Variants in PDE4D observed in about 807,000 individuals in gnomAD.
PDE4D encodes the protein phosphodiesterase 4D.
A neutral mutation model predicts 87.4 loss-of-function variants in PDE4D; 24 were observed. That is an observed-to-expected ratio of 0.27 (90% CI 0.20 to 0.39). The LOEUF (loss-of-function observed/expected upper bound fraction) is 0.39. Ranked by LOEUF, PDE4D falls within the 10% of genes least tolerant of loss-of-function variation. The pLI, the probability that PDE4D is intolerant of heterozygous loss-of-function variation, is 1.00. For synonymous variants in PDE4D, 384 were observed against 383.2 expected (o/e 1.00, Z -0.02); for missense variants, 714 against 1,041.0 (o/e 0.69, Z 4.32).
At chr5:59,570,621 G>T (rs1382206198) in intron 1 of PDE4D, among the ~76,000 whole-genome samples, 1 of 148,118 alleles carries the variant, frequency 6.8e-6, no homozygotes, top group African/African-American at 2.5e-5. Flanking sequence ...AATGCTTTCA[G>T]GAGTATACAA....
At chr5:59,856,550 T>C (rs1160898872) in intron 1 of PDE4D, among the ~76,000 whole-genome samples, 1 of 152,194 alleles carries the variant, frequency 6.6e-6, no homozygotes, top group East Asian at 1.9e-4. Flanking sequence ...CTGCAAGTAA[T>C]TTTGTAATTG....
At chr5:59,496,666 G>A (rs1807268511) in intron 1 of PDE4D, among the ~76,000 whole-genome samples, 1 of 152,140 alleles carries the variant, frequency 6.6e-6, no homozygotes, top group South Asian at 2.1e-4. Context: ...TGGGTCAAAG[G>A]TTGGGTCAAA....
chr5:59,566,583 T>TGA lies in PDE4D; in HGVS notation c.455+326583_455+326584dup, dbSNP rs564167777. Among the ~76,000 whole-genome samples the TGA allele has an allele frequency of 1.3e-3, 186 of 146,962 alleles. 2 individuals are homozygous for TGA. The South Asian group carries it at 0.014, about 11-fold the overall frequency. On this transcript the variant is annotated intron_variant, in intron 1 of 14. Coordinates refer to ENST00000340635, the MANE Select transcript of PDE4D (RefSeq NM_001104631.2). ...GTGTGTGTGTGTGTGTGTGTGTGTGTGAGAGAATGAGAGAGAGAGAGAAAG... is the reference window on the plus strand; with the variant it reads ...GTGTGTGTGTGTGTGTGTGTGTGTGTGAGAGAGAATGAGAGAGAGAGAGAAAG...
In PDE4D at chr5:60,234,279, A is replaced by C. The variant is rs1345366176; in HGVS notation, c.-89-48592T>G. Among the ~76,000 whole-genome samples the C allele has an allele frequency of 2.0e-5, 3 of 151,676 alleles. No individual in the cohort carries two copies. In the East Asian group the frequency reaches 5.8e-4, roughly 29 times the overall value. ...ATGTTGTAGCATATATCAATACTTT[A>C]TTTCTTTTTATTTCTCAATAATACC... On this transcript the variant is annotated intron_variant, in intron 1 of 16. Transcript: ENST00000502484.
chr5:59,819,500 A>C (rs1769391448), intron 1 of PDE4D, among the ~76,000 whole-genome samples: 1 of 152,194 alleles, frequency 6.6e-6, no homozygotes, highest in African/African-American at 2.4e-5. Context: ...CCTATTACTC[A>C]TAAATGCTGA....
At chr5:59,577,443 G>A (rs367824732) in intron 1 of PDE4D, among the ~76,000 whole-genome samples, 1 of 152,222 alleles carries the variant, frequency 6.6e-6, no homozygotes, top group African/African-American at 2.4e-5. Context: ...TTTAATGGAA[G>A]AACAATTATG....
chr5:60,313,409 AATGACAAGT>A (rs1755233045), intron 1 of PDE4D, among the ~76,000 whole-genome samples: 1 of 152,208 alleles, frequency 6.6e-6, no homozygotes, highest in African/African-American at 2.4e-5. Flanking sequence ...TGAACAGACC[AATGACAAGT>A]TCTGAAGCTG....
chr5:60,451,393 G>A (rs1746084588), intron 1 of PDE4D, among the ~76,000 whole-genome samples: 1 of 151,794 alleles, frequency 6.6e-6, no homozygotes, highest in Non-Finnish European at 1.5e-5. Context: ...ATGTCTTTTT[G>A]CCCCTGTCTC....
At chr5:60,147,319 G>T (rs913817872) in intron 2 of PDE4D, among the ~76,000 whole-genome samples, 3 of 152,156 alleles carry the variant, frequency 2.0e-5, no homozygotes, top group Non-Finnish European at 2.9e-5. Flanking sequence ...CAGACAGGTC[G>T]TTAGGCTGCT....
At chr5:60,436,574 TAGCTTG>T (rs1744774409) in intron 1 of PDE4D, among the ~76,000 whole-genome samples, 1 of 152,094 alleles carries the variant, frequency 6.6e-6, no homozygotes, top group Middle Eastern at 3.2e-3. Context: ...TCATTTAATC[TAGCTTG>T]AGCTTCAAAC....
At chr5:59,171,032 C>A (rs1782675630) in intron 5 of PDE4D, among the ~76,000 whole-genome samples, 1 of 152,076 alleles carries the variant, frequency 6.6e-6, no homozygotes, top group South Asian at 2.1e-4. Context: ...CAAGCACGTG[C>A]CACCACGCCT....
intron 1 of PDE4D, among the ~76,000 whole-genome samples, chr5:60,266,383 A>G (rs1486570753): frequency 1.3e-5 from 2 of 152,234 alleles, no homozygotes; most frequent in African/African-American, 4.8e-5. Flanking sequence ...TTGAAGTTCA[A>G]GAGTCTGGCA....
chr5:59,483,068 A>G (rs1233509002), intron 1 of PDE4D, among the ~76,000 whole-genome samples: 1 of 152,152 alleles, frequency 6.6e-6, no homozygotes, highest in African/African-American at 2.4e-5. Flanking sequence ...GTAAGAGAGG[A>G]TTCCTCCTGC....
At chr5:59,772,852 G>C (rs186254716) in intron 1 of PDE4D, among the ~76,000 whole-genome samples, 141 of 152,290 alleles carry the variant, frequency 9.3e-4, no homozygotes, top group Middle Eastern at 3.4e-3. Context: ...GAAGGTATGG[G>C]TTAATTTTAG....
intron 1 of PDE4D, among the ~76,000 whole-genome samples, chr5:59,327,416 G>A (rs534965113): frequency 6.6e-6 from 1 of 152,176 alleles, no homozygotes; most frequent in African/African-American, 2.4e-5. Flanking sequence ...CCAGGAGACT[G>A]GGGGAAGGAA....
intron 1 of PDE4D, chr5:59,768,569 C>T (rs1763102751): frequency 1.9e-6 from 3 of 1,583,302 alleles, no homozygotes; most frequent in Non-Finnish European, 2.6e-6. Flanking sequence ...CCCTCGCTCA[C>T]GGTCCCGGAA....
At chr5:60,506,952 G>T (rs543154045) in intron 1 of PDE4D, among the ~76,000 whole-genome samples, 116 of 152,208 alleles carry the variant, frequency 7.6e-4, no homozygotes, top group Admixed American at 2.6e-3. Flanking sequence ...AACACCTCTA[G>T]TCCTATTAGC....
chr5:60,202,348 G>T (rs2910823), intron 1 of PDE4D, among the ~76,000 whole-genome samples: 62,670 of 151,704 alleles, frequency 0.41, 15,415 homozygotes, highest in Non-Finnish European at 0.54. Flanking sequence ...AAAAAATTTT[G>T]TAAAGATAGA....
In PDE4D at chr5:60,099,233, A is replaced by G. The variant is rs760721215; in HGVS notation, c.42+86324T>C. Reference sequence around the variant, plus strand: ...TTCTCTTGCTGCTTTCAGAATTCTCACTTTGTCTTTGATTTTGACAATTTG... The same window carrying G: ...TTCTCTTGCTGCTTTCAGAATTCTCGCTTTGTCTTTGATTTTGACAATTTG... On this transcript the variant is annotated intron_variant, in intron 2 of 16. Transcript: ENST00000502484. Among the ~76,000 whole-genome samples the G allele has an allele frequency of 4.0e-4, 60 of 151,854 alleles. 1 individual carries two copies. Among genetic ancestry groups the G allele is most frequent in the Non-Finnish European group, 1.0e-4 (7 of 67,866 alleles).
Sources: allele counts gnomAD v4.1 joint callset (sites outside exome capture counted in the v4.1 genomes callset), GRCh38; gene constraint gnomAD v4.1.1; transcripts MANE v1.5; gene names NCBI Gene and HGNC (gene_info 2026-07-23, HGNC 2026-07-21).